Variants in LARS2 observed in about 807,000 individuals in gnomAD.
The protein encoded by LARS2 is leucyl-tRNA synthetase 2, mitochondrial.
A neutral mutation model predicts 116.6 loss-of-function variants in LARS2; 81 were observed. The ratio of observed to expected loss-of-function variants is 0.69; its 90% confidence interval spans 0.58 to 0.84. The LOEUF is 0.84. Among genes scored for constraint, LARS2 ranks in the 40% least tolerant of loss-of-function variants. LARS2 has a pLI of 0.00. For missense variants in LARS2, 968 were observed against 1,114.5 expected, an observed-to-expected ratio of 0.87 and a Z score of 1.87; for synonymous variants, 396 against 407.2, an observed-to-expected ratio of 0.97 and a Z score of 0.33.
intron 11 of LARS2, among the ~76,000 whole-genome samples, chr3:45,486,274 G>A (rs541052297): frequency 9.9e-5 from 15 of 152,276 alleles, no homozygotes; most frequent in African/African-American, 2.9e-4. Context: ...TGGAGGAGGC[G>A]AACTCGAGCT....
At chr3:45,474,859 A>G (rs905213246) in intron 9 of LARS2, among the ~76,000 whole-genome samples, 3 of 152,172 alleles carry the variant, frequency 2.0e-5, no homozygotes, top group Non-Finnish European at 2.9e-5. Flanking sequence ...GTCACAAAGC[A>G]GATTAAAAGC....
intron 13 of LARS2, among the ~76,000 whole-genome samples, chr3:45,492,779 A>G (rs916226491): frequency 6.6e-6 from 1 of 152,146 alleles, no homozygotes; most frequent in Non-Finnish European, 1.5e-5. Context: ...ATAAATAGAA[A>G]CTTTATGGCC....
chr3:45,432,531 G>A (rs145160821), intron 6 of LARS2, among the ~76,000 whole-genome samples: 97 of 152,036 alleles, frequency 6.4e-4, no homozygotes, highest in African/African-American at 2.3e-3. Context: ...TAAACAACAC[G>A]CTCTTAAACA....
intron 15 of LARS2, among the ~76,000 whole-genome samples, chr3:45,510,605 C>T (rs1700273909): frequency 6.6e-6 from 1 of 152,132 alleles, no homozygotes; most frequent in Non-Finnish European, 1.5e-5. Context: ...TGAGTTGAGC[C>T]AGGAAGGAGG....
chr3:45,391,377 C>A (rs960086900), intron 1 of LARS2, among the ~76,000 whole-genome samples: 1 of 151,322 alleles, frequency 6.6e-6, no homozygotes, highest in Admixed American at 6.6e-5. Flanking sequence ...CCCAGCTACT[C>A]GAGAGGCTGA....
At chr3:45,424,191 C>T (rs1473988819) in intron 6 of LARS2, among the ~76,000 whole-genome samples, 2 of 152,136 alleles carry the variant, frequency 1.3e-5, no homozygotes, top group Non-Finnish European at 2.9e-5. Flanking sequence ...CCTTAACTTA[C>T]AGTGAGGTTA....
At chr3:45,418,905 G>A (rs1479040204) in intron 5 of LARS2, among the ~76,000 whole-genome samples, 1 of 152,216 alleles carries the variant, frequency 6.6e-6, no homozygotes, top group Non-Finnish European at 1.5e-5. Flanking sequence ...AAGAGGGATA[G>A]TCATAGTTCC....
intron 4 of LARS2, among the ~76,000 whole-genome samples, chr3:45,401,335 C>T (rs1698145293): frequency 6.6e-6 from 1 of 151,802 alleles, no homozygotes; most frequent in Non-Finnish European, 1.5e-5. Flanking sequence ...AACCCTGTCT[C>T]CACAAAAAAT....
intron 6 of LARS2, among the ~76,000 whole-genome samples, chr3:45,430,029 T>TTG (rs1553629354): frequency 7.2e-6 from 1 of 138,762 alleles, no homozygotes; most frequent in Non-Finnish European, 1.5e-5. Flanking sequence ...TTTTTTTTTT[T>TTG]GAGACAGAGT....
chr3:45,452,118 C>T, intron 7 of LARS2, among the ~76,000 whole-genome samples: 1 of 152,082 alleles, frequency 6.6e-6, no homozygotes, highest in Non-Finnish European at 1.5e-5. Context: ...AATATAAAAT[C>T]ATGTTGTCTG....
intron 15 of LARS2, among the ~76,000 whole-genome samples, chr3:45,502,240 G>C (rs985090068): frequency 3.3e-5 from 5 of 151,550 alleles, no homozygotes; most frequent in African/African-American, 1.2e-4. Flanking sequence ...TTTCTAGATC[G>C]TTTCTCTTTT....
rs550066510 is a variant in LARS2, at chr3:45,547,494, G to A, written c.2676G>A (p.Pro892=). 1.4e-5 allele frequency: 23 copies of A among 1,612,362 alleles called. No homozygotes were observed. In the East Asian group the frequency reaches 3.6e-4, roughly 25 times the overall value. Residue 892 remains proline (P), a synonymous_variant, in exon 22 of 22, where the codon CCG becomes CCA. Coordinates refer to ENST00000645846, the MANE Select transcript of LARS2 (RefSeq NM_015340.4). ...GCATCAAGAAGTCCTTCCTTTCCCCGAGAACTGCCCTCATCAACTTCCTGG... is the reference window on the plus strand; with the variant it reads ...GCATCAAGAAGTCCTTCCTTTCCCCAAGAACTGCCCTCATCAACTTCCTGG... The part of the protein sequence containing the change: ...GRSIKKSFLS[P]RTALINFLVQ...
At position 45,415,985 on chromosome 3, in the gene LARS2, C is replaced by T. The variant is rs189445017; in HGVS notation, c.364-1497C>T. On this transcript the variant is annotated intron_variant, in intron 4 of 21. Coordinates refer to ENST00000645846, the MANE Select transcript of LARS2 (RefSeq NM_015340.4). ...CTTAGTCCAAAGCCTTACTTTTATC[C>T]AGTCTCAAAAGTTACTCTCTGGAAT... Among the ~76,000 whole-genome samples the T allele has an allele frequency of 5.4e-4, 80 of 147,570 alleles. 1 individual carries two copies. Among genetic ancestry groups the T allele is most frequent in the African/African-American group, 1.9e-3 (76 of 40,216 alleles).
At chr3:45,427,968 T>G (rs1033476935) in intron 6 of LARS2, among the ~76,000 whole-genome samples, 12 of 151,472 alleles carry the variant, frequency 7.9e-5, no homozygotes. Context: ...ATTACAGGTG[T>G]GTACCACCAC....
chr3:45,440,595 T>TGTTTC (rs2125700381), intron 6 of LARS2, among the ~76,000 whole-genome samples: 1 of 152,296 alleles, frequency 6.6e-6, no homozygotes, highest in Non-Finnish European at 1.5e-5. Context: ...TGTTTTGTTT[T>TGTTTC]ATTAAATTCC....
At chr3:45,545,196 C>A (rs1421400022) in intron 21 of LARS2, among the ~76,000 whole-genome samples, 3 of 152,232 alleles carry the variant, frequency 2.0e-5, no homozygotes, top group Non-Finnish European at 2.9e-5. Flanking sequence ...TAGTTCAATG[C>A]TTGGCACAGA....
At chr3:45,478,170 G>GTC (rs1308292940) in intron 10 of LARS2, among the ~76,000 whole-genome samples, 1 of 152,142 alleles carries the variant, frequency 6.6e-6, no homozygotes, top group Non-Finnish European at 1.5e-5. Context: ...CAATATAGCT[G>GTC]TCTCTCTCAG....
chr3:45,481,459 C>T (rs181632983), intron 10 of LARS2, among the ~76,000 whole-genome samples: 60 of 152,262 alleles, frequency 3.9e-4, no homozygotes, highest in African/African-American at 1.4e-3. Context: ...TTTTACATTC[C>T]CACCAGCAGT....
chr3:45,442,163 A>G (rs1393472186), intron 6 of LARS2, among the ~76,000 whole-genome samples: 6 of 152,250 alleles, frequency 3.9e-5, no homozygotes, highest in African/African-American at 1.2e-4. Context: ...TTTGAAAAGC[A>G]GGCCAAAGGA....
Sources: gnomAD v4.1 joint callset for allele counts (sites outside exome capture counted in the v4.1 genomes callset) on GRCh38, gnomAD v4.1.1 for gene constraint, MANE v1.5 for transcripts, NCBI Gene and HGNC (gene_info 2026-07-23, HGNC 2026-07-21) for gene names.